Variants in SLCO1C1 observed in about 807,000 individuals in gnomAD.
The protein encoded by SLCO1C1 is OAT-RP-5.
A neutral mutation model predicts 76.4 loss-of-function variants in SLCO1C1; 70 were observed. That is an observed-to-expected ratio of 0.92 (90% confidence interval 0.76 to 1.12). The LOEUF (loss-of-function observed/expected upper bound fraction) is 1.12, where lower values mean the gene tolerates loss of function less well. Ranked by LOEUF, SLCO1C1 falls within the 50% of genes most tolerant of loss-of-function variation. SLCO1C1 has a pLI of 0.00. For missense variants in SLCO1C1, 912 were observed against 823.8 expected, an observed-to-expected ratio of 1.11 and a Z score of -1.31; for synonymous variants, 306 against 286.1, an observed-to-expected ratio of 1.07 and a Z score of -0.70.
chr12:20,707,176 G>A (rs1946820789), intron 4 of SLCO1C1, among the ~76,000 whole-genome samples: 1 of 152,094 alleles, frequency 6.6e-6, no homozygotes, highest in African/African-American at 2.4e-5. Context: ...TGTGGTTTGG[G>A]CACTTCTGCC....
chr12:20,726,859 C>T (rs1309189297), intron 9 of SLCO1C1, among the ~76,000 whole-genome samples: 1 of 152,090 alleles, frequency 6.6e-6, no homozygotes, highest in Non-Finnish European at 1.5e-5. Context: ...TTCTCTTCTC[C>T]TTCCTTTCCC....
At chr12:20,710,028 C>T (rs971046443) in intron 4 of SLCO1C1, among the ~76,000 whole-genome samples, 6 of 150,828 alleles carry the variant, frequency 4.0e-5, no homozygotes, top group Non-Finnish European at 7.4e-5. Flanking sequence ...CTTAAGCATT[C>T]ACATAAAAAC....
intron 13 of SLCO1C1, among the ~76,000 whole-genome samples, chr12:20,745,147 T>C (rs1554150): frequency 1 from 152,293 of 152,294 alleles, 76,146 homozygotes; most frequent in Non-Finnish European, 1. Context: ...AATGGTTACC[T>C]GTAGAAGAAA....
intron 13 of SLCO1C1, among the ~76,000 whole-genome samples, chr12:20,744,376 G>T (rs887035178): frequency 6.6e-6 from 1 of 152,032 alleles, no homozygotes; most frequent in Non-Finnish European, 1.5e-5. Context: ...ATTGGCAAAA[G>T]TATCATAAGC....
At chr12:20,748,257 A>G (rs1054126741) in intron 13 of SLCO1C1, among the ~76,000 whole-genome samples, 1 of 152,194 alleles carries the variant, frequency 6.6e-6, no homozygotes, top group Non-Finnish European at 1.5e-5. Flanking sequence ...GAAAATTTCA[A>G]ATCTACCAAA....
chr12:20,740,122 A>G, intron 11 of SLCO1C1, 62 bp from the exon 12 acceptor site: 1 of 1,423,536 alleles, frequency 7.0e-7, no homozygotes, highest in Non-Finnish European at 9.6e-7. Context: ...TTTTAACATA[A>G]CTGTCTTTAA....
chr12:20,737,034 C>T (rs1948577949), intron 10 of SLCO1C1, 73 bp from the exon 11 acceptor site: 5 of 1,301,656 alleles, frequency 3.8e-6, no homozygotes, highest in African/African-American at 1.6e-5. Flanking sequence ...CACTCAAGAA[C>T]ATTGATTTTT....
Position 20,752,327 on chromosome 12 carries a change from T to A in SLCO1C1, c.1938T>A (p.Thr646=), listed in dbSNP as rs1336628365. 2 of 1,602,748 alleles carry A rather than the reference T, an allele frequency of 1.2e-6. No individual in the cohort carries two copies. Among genetic ancestry groups the A allele is most frequent in the East Asian group, 4.5e-5 (2 of 44,716 alleles). ...CTAGACATATATATCTGGGACTAACTGTGATACTGGGCACAGTGTCAATTC... is the reference window on the plus strand; with the variant it reads ...CTAGACATATATATCTGGGACTAACAGTGATACTGGGCACAGTGTCAATTC... ...NVFRHIYLGL[T]VILGTVSILL... is the part of the protein sequence containing the mutation. The change falls in exon 15 of 15, where the codon ACT becomes ACA. Residue 646 remains threonine, a synonymous_variant. Transcript: ENST00000266509.
intron 13 of SLCO1C1, among the ~76,000 whole-genome samples, chr12:20,747,401 C>G (rs1244336691): frequency 1.3e-5 from 2 of 150,848 alleles, no homozygotes; most frequent in Non-Finnish European, 3.0e-5. Flanking sequence ...TGCACTCCAG[C>G]TTGGGTGACA....
chr12:20,732,864 C>G (rs1342076440), intron 9 of SLCO1C1, 45 bp from the exon 10 acceptor site: 1 of 1,600,410 alleles, frequency 6.2e-7, no homozygotes, highest in Non-Finnish European at 8.5e-7. Flanking sequence ...ACACTCAAAT[C>G]TTTTTTAGAG....
At chr12:20,712,021 T>C (rs1332331438) in intron 5 of SLCO1C1, among the ~76,000 whole-genome samples, 1 of 152,182 alleles carries the variant, frequency 6.6e-6, no homozygotes, top group South Asian at 2.1e-4. Flanking sequence ...CTTGGTGTTA[T>C]CAGTTCCCTG....
intron 9 of SLCO1C1, among the ~76,000 whole-genome samples, chr12:20,731,291 T>C (rs1367390758): frequency 2.0e-5 from 3 of 152,198 alleles, no homozygotes; most frequent in Non-Finnish European, 4.4e-5. Context: ...CCACAATATA[T>C]ATTTTTTAAA....
At chr12:20,721,508 G>A (rs926006952) in intron 7 of SLCO1C1, among the ~76,000 whole-genome samples, 4 of 151,880 alleles carry the variant, frequency 2.6e-5, no homozygotes, top group African/African-American at 9.7e-5. Flanking sequence ...TAATGCTGTT[G>A]CATACTTAAT....
intron 10 of SLCO1C1, among the ~76,000 whole-genome samples, chr12:20,736,266 C>A (rs1338540219): frequency 8.4e-5 from 12 of 142,036 alleles, no homozygotes; most frequent in Non-Finnish European, 9.2e-5. Context: ...TGGCAGAGAA[C>A]AAAAAAAAAT....
chr12:20,726,181 G>T (rs927753836), intron 9 of SLCO1C1, among the ~76,000 whole-genome samples: 4 of 151,772 alleles, frequency 2.6e-5, no homozygotes, highest in African/African-American at 9.7e-5. Context: ...TAGTAAATGC[G>T]TATATCTGTC....
In SLCO1C1 at chr12:20,740,367, A is replaced by G; in HGVS notation, c.1732A>G (p.Arg578Gly). Residue 578 changes from arginine to glycine, a missense_variant and splice_region_variant, in exon 12 of 15, where the codon AGG (arginine) becomes GGG (glycine). Transcript: ENST00000266509. ...CATACCTGGATACATATTACTTCTG[A>G]GGTGAGTACTGATTCTCCCTATTCT... ...GGIPGYILLLRCIKPQLKSFA... is the reference protein window; with the variant it reads ...GGIPGYILLLGCIKPQLKSFA... The G allele has an allele frequency of 1.2e-6, 2 of 1,608,720 alleles. No homozygotes were observed. Among genetic ancestry groups the G allele is most frequent in the Non-Finnish European group, 8.5e-7 (1 of 1,177,786 alleles).
In SLCO1C1 at chr12:20,733,017, C is replaced by T; in HGVS notation, c.1295C>T (p.Ser432Phe). The change falls in exon 10 of 15, where the codon TCT becomes TTT. Residue 432 changes from serine to phenylalanine, a missense_variant. By Grantham distance (155) the Ser-to-Phe change is radical (BLOSUM62 -2). Transcript: ENST00000266509. ...CGAAKLYLGS[S>F]VFGYLLFLSL... ...GCTGCAAAACTCTACTTGGGATCATCTGTCTTTGGTTACCTCCTATTTCTT... is the reference window on the plus strand; with the variant it reads ...GCTGCAAAACTCTACTTGGGATCATTTGTCTTTGGTTACCTCCTATTTCTT... The T allele has an allele frequency of 1.9e-6, 3 of 1,613,744 alleles. No homozygotes were observed. The highest frequency in any genetic ancestry group is 2.5e-6 in the Non-Finnish European group (3 of 1,179,884).
intron 7 of SLCO1C1, among the ~76,000 whole-genome samples, chr12:20,721,133 T>C (rs992803107): frequency 2.6e-5 from 4 of 152,094 alleles, no homozygotes; most frequent in Non-Finnish European, 5.9e-5. Context: ...CAACAAAAGA[T>C]TTAGTAAATT....
At chr12:20,725,117 A>C (rs1453046224) in intron 9 of SLCO1C1, among the ~76,000 whole-genome samples, 3 of 137,096 alleles carry the variant, frequency 2.2e-5, no homozygotes, top group Non-Finnish European at 4.6e-5. Flanking sequence ...ATATATAACT[A>C]TCATATATAA....
Sources: gnomAD v4.1 joint callset for allele counts (sites outside exome capture counted in the v4.1 genomes callset) on GRCh38, gnomAD v4.1.1 for gene constraint, MANE v1.5 for transcripts, NCBI Gene and HGNC (gene_info 2026-07-23, HGNC 2026-07-21) for gene names.